Variants in FASLG observed in about 807,000 individuals in gnomAD.
FASLG encodes tumor necrosis factor ligand superfamily member 6.
A neutral mutation model predicts 24.6 loss-of-function variants in FASLG; 9 were observed. The observed-to-expected ratio is 0.37, with a 90% confidence interval of 0.22 to 0.64. FASLG has a LOEUF of 0.64. FASLG is among the 30% of genes least tolerant of loss of function. The pLI, the probability that FASLG is intolerant of heterozygous loss-of-function variation, is 0.64. For missense variants in FASLG, 306 were observed against 345.3 expected, an observed-to-expected ratio of 0.89 and a Z score of 0.90; for synonymous variants, 130 against 135.5, an observed-to-expected ratio of 0.96 and a Z score of 0.28.
intron 2 of FASLG, 38 bp downstream of exon 2, chr1:172,660,178 A>G (rs1659107660): frequency 8.8e-6 from 14 of 1,595,442 alleles, no homozygotes; most frequent in Non-Finnish European, 1.2e-5. Flanking sequence ...GTTCCCAAAG[A>G]TGATCCTCAG....
At chr1:172,660,162 CA>C in intron 2 of FASLG, 22 bp downstream of exon 2, 1 of 1,610,630 alleles carries the variant, frequency 6.2e-7, no homozygotes, top group Non-Finnish European at 8.5e-7. Flanking sequence ...TTCGCATGTA[CA>C]TTGAGTTCCC....
intron 2 of FASLG, among the ~76,000 whole-genome samples, chr1:172,663,480 G>A (rs897763980): frequency 2.0e-5 from 3 of 152,154 alleles, no homozygotes; most frequent in Admixed American, 2.0e-4. Context: ...GTCCTTATGG[G>A]ATGTTTAGGA....
rs1295610552 is a variant in FASLG at position 172,666,814 on chromosome 1, G to A, written c.*798G>A. 6.6e-6 allele frequency: 1 copy of A among 152,310 alleles called. No homozygotes were observed. The highest frequency in any genetic ancestry group is 1.5e-5 in the Non-Finnish European group (1 of 68,022). 9.4% of individuals were successfully genotyped at this position (152,310 alleles called of 1,614,324 possible). On this transcript the variant is annotated 3_prime_UTR_variant, in exon 4 of 4. Transcript: ENST00000367721. The stretch of plus-strand genomic sequence containing the variant: ...TTCCTATAATATAATAAATATTTAT[G>A]TAGATGTGCATTTTTGTGAAATGAA...
chr1:172,661,514 T>C (rs1024614403), intron 2 of FASLG, among the ~76,000 whole-genome samples: 8 of 152,346 alleles, frequency 5.3e-5, no homozygotes, highest in Admixed American at 3.3e-4. Context: ...ATCTGTGGAA[T>C]GTGCCTGGTC....
intron 2 of FASLG, among the ~76,000 whole-genome samples, chr1:172,663,459 G>A (rs1235186254): frequency 6.6e-6 from 1 of 152,084 alleles, no homozygotes; most frequent in Non-Finnish European, 1.5e-5. Context: ...CAAAGAAAGC[G>A]GTAATAGGTA....
At chr1:172,665,067 G>A (rs1659230256) in intron 3 of FASLG, among the ~76,000 whole-genome samples, 1 of 152,202 alleles carries the variant, frequency 6.6e-6, no homozygotes, top group African/African-American at 2.4e-5. Context: ...TGCCCCCAGG[G>A]AGCTTGACAT....
Position 172,664,409 on chromosome 1 carries a change from C to G in FASLG, c.451+19C>G, listed in dbSNP as rs752291238. The G allele has an allele frequency of 6.8e-6, 11 of 1,613,566 alleles. No homozygotes were observed. The highest frequency in any genetic ancestry group is 1.3e-5 in the African/African-American group (1 of 74,886). ...TTAACAGGTCTGTATCTGGAAGGTA[C>G]AGGTGAGATTTGGGAAAGCTTTTGG... is the stretch of plus-strand genomic sequence containing the variant. On this transcript the variant is annotated intron_variant, in intron 3 of 3. Transcript: ENST00000367721.
At chr1:172,659,712 AG>A (rs1659097854) in intron 1 of FASLG, among the ~76,000 whole-genome samples, 163 bp downstream of exon 1, 1 of 151,152 alleles carries the variant, frequency 6.6e-6, no homozygotes, top group Non-Finnish European at 1.5e-5. Context: ...GGAGGCTCAT[AG>A]GGGTGAAGGG....
chr1:172,662,634 G>A (rs1354623614), intron 2 of FASLG, among the ~76,000 whole-genome samples: 1 of 152,156 alleles, frequency 6.6e-6, no homozygotes, highest in Non-Finnish European at 1.5e-5. Context: ...CTGTGGAGTG[G>A]GGTGGGGCTG....
Position 172,660,122 on chromosome 1 carries a change from T to C in FASLG, c.376T>C (p.Ser126Pro), listed in dbSNP as rs75622480. 2.3e-5 allele frequency: 37 copies of C among 1,614,218 alleles called. No homozygotes were observed. The highest frequency in any genetic ancestry group is 3.3e-5 in the Admixed American group (2 of 60,034). ...ESTSQMHTASSLEKQIGHPSP... is the reference protein window; with the variant it reads ...ESTSQMHTASPLEKQIGHPSP... ...TACCAGCCAGATGCACACAGCATCA[T>C]CTTTGGAGAAGCAAATAGGTGAGTC... Residue 126 changes from serine (S) to proline (P), a missense_variant, in exon 2 of 4, where the codon TCT becomes CCT. Physicochemically the swap from Ser to Pro is moderately conservative, Grantham distance 74 (BLOSUM62 -1). Transcript: ENST00000367721.
At chr1:172,665,586 A>G (rs1659240326) in intron 3 of FASLG, 36 bp from the exon 4 acceptor site, 5 of 1,605,804 alleles carry the variant, frequency 3.1e-6, no homozygotes, top group Non-Finnish European at 4.2e-6. Flanking sequence ...ATGCATGACT[A>G]TTCCTTGTTG....
chr1:172,659,572 G>C, intron 1 of FASLG, 23 bp downstream of exon 1: 1 of 1,612,138 alleles, frequency 6.2e-7, no homozygotes, highest in Admixed American at 1.7e-5. Context: ...GCAGACTGCT[G>C]TGCCCTGGAG....
intron 2 of FASLG, among the ~76,000 whole-genome samples, chr1:172,663,890 T>C (rs1028514359): frequency 6.6e-6 from 1 of 152,146 alleles, no homozygotes; most frequent in South Asian, 2.1e-4. Flanking sequence ...AGCCCTGGAA[T>C]TGGCGTCAGG....
intron 2 of FASLG, 24 bp from the exon 3 acceptor site, chr1:172,664,310 A>G (rs1558234793): frequency 1.2e-6 from 2 of 1,611,052 alleles, no homozygotes; most frequent in Non-Finnish European, 8.5e-7. Flanking sequence ...TTTAACATAT[A>G]TTTTTCCTCT....
intron 2 of FASLG, 33 bp from the exon 3 acceptor site, chr1:172,664,301 T>C: frequency 6.2e-7 from 1 of 1,604,954 alleles, no homozygotes; most frequent in Non-Finnish European, 8.5e-7. Flanking sequence ...CTATTTCATT[T>C]TAACATATAT....
At chr1:172,665,405 T>C (rs1456354007) in intron 3 of FASLG, among the ~76,000 whole-genome samples, 1 of 152,202 alleles carries the variant, frequency 6.6e-6, no homozygotes, top group Non-Finnish European at 1.5e-5. Context: ...ATTACGGGTA[T>C]ATACTATTGT....
chr1:172,665,984 T>A lies in FASLG; in HGVS notation c.814T>A (p.Ser272Thr), dbSNP rs757342590. ...SELSLVNFEESQTFFGLYKL is the reference protein window; with the variant it reads ...SELSLVNFEETQTFFGLYKL The stretch of plus-strand genomic sequence containing the variant: ...GCTCTCTCTGGTCAATTTTGAGGAA[T>A]CTCAGACGTTTTTCGGCTTATATAA... The change falls in exon 4 of 4, where the codon TCT becomes ACT. Residue 272 changes from serine (S) to threonine (T), a missense_variant. Transcript: ENST00000367721. 2.5e-6 allele frequency: 4 copies of A among 1,614,164 alleles called. No individual in the cohort carries two copies. Among genetic ancestry groups the A allele is most frequent in the Admixed American group, 1.7e-5 (1 of 60,028 alleles).
chr1:172,660,411 C>A (rs1659113056), intron 2 of FASLG, among the ~76,000 whole-genome samples: 1 of 152,122 alleles, frequency 6.6e-6, no homozygotes. Context: ...CATATACAAC[C>A]CTGGACCTTT....
chr1:172,659,777 T>C (rs1343547995), intron 1 of FASLG, among the ~76,000 whole-genome samples: 3 of 152,218 alleles, frequency 2.0e-5, no homozygotes, highest in Admixed American at 2.0e-4. Context: ...TTTCCTCAGT[T>C]GTCAACTCAG....
Sources: gnomAD v4.1 joint callset for allele counts (sites outside exome capture counted in the v4.1 genomes callset) on GRCh38, gnomAD v4.1.1 for gene constraint, MANE v1.5 for transcripts, NCBI Gene and HGNC (gene_info 2026-07-23, HGNC 2026-07-21) for gene names.